The following KCNQ2 variants were observed in gnomAD, a reference collection of about 807,000 sequenced individuals.
KCNQ2 encodes the protein potassium voltage-gated channel subfamily KQT member 2.
A neutral mutation model predicts 84.8 loss-of-function variants in KCNQ2; 14 were observed. That is an observed-to-expected ratio of 0.17 (90% CI 0.11 to 0.26). The LOEUF (loss-of-function observed/expected upper bound fraction) is 0.26, where lower values mean the gene tolerates loss of function less well. KCNQ2 is among the 10% of genes least tolerant of loss of function. KCNQ2 has a pLI of 1.00. For synonymous variants in KCNQ2, 599 were observed against 554.1 expected (o/e 1.08, Z -1.14); for missense variants, 788 against 1,254.0 (o/e 0.63, Z 5.61).
intron 1 of KCNQ2, among the ~76,000 whole-genome samples, chr20:63,469,592 C>T (rs552396631): frequency 7.9e-5 from 12 of 152,364 alleles, no homozygotes; most frequent in African/African-American, 2.9e-4. Flanking sequence ...GTTCTCACAA[C>T]TTGACCTCTC....
At chr20:63,435,601 G>C (rs11699830) in intron 7 of KCNQ2, among the ~76,000 whole-genome samples, 2 of 152,044 alleles carry the variant, frequency 1.3e-5, no homozygotes, top group Non-Finnish European at 2.9e-5. Context: ...GAGAGTACAC[G>C]GCGGCAGGGC....
intron 5 of KCNQ2, among the ~76,000 whole-genome samples, chr20:63,440,954 C>T (rs1162773804): frequency 6.6e-6 from 1 of 150,398 alleles, no homozygotes; most frequent in Non-Finnish European, 1.5e-5. Flanking sequence ...CCAAAGGAGG[C>T]GTGGTTTTTT....
intron 11 of KCNQ2, among the ~76,000 whole-genome samples, chr20:63,421,728 T>G (rs1417595450): frequency 6.6e-6 from 1 of 151,952 alleles, no homozygotes; most frequent in African/African-American, 2.4e-5. Flanking sequence ...CAGCCGGTGT[T>G]GGGGGCTCCT....
chr20:63,438,210 G>C lies in KCNQ2; in HGVS notation c.1023+415C>G, dbSNP rs1568924682. ...CAAATGGTGGGACGGCACTGGGTGGGGTCCGGGCGGGCATCATGGGGGCCC... is the reference window on the plus strand; with the variant it reads ...CAAATGGTGGGACGGCACTGGGTGGCGTCCGGGCGGGCATCATGGGGGCCC... On this transcript the variant is annotated intron_variant, in intron 7 of 16. Coordinates refer to ENST00000359125, the MANE Select transcript of KCNQ2 (RefSeq NM_172107.4). This position sits in a 1 kb window ranked among gnomAD's most constrained non-coding sequence, Gnocchi z 5.1. 1 of 308,176 alleles carries C rather than the reference G, an allele frequency of 3.2e-6. No homozygotes were observed. The highest frequency in any genetic ancestry group is 6.3e-6 in the Non-Finnish European group (1 of 157,804). The allele number at this position is 308,176 out of a possible 1,614,324, so 19.1% of individuals were successfully genotyped here.
Position 63,402,901 on chromosome 20 carries a change from C to T in KCNQ2, c.*3743G>A, listed in dbSNP as rs1237571093. On this transcript the variant is annotated 3_prime_UTR_variant, in exon 17 of 17. Transcript: ENST00000359125. Reference sequence around the variant, plus strand: ...GGGAGGAGCCCTCCCCCAGCGTGTCCCAGCCGTGGTGGCAGCTGGAAGACT... The same window carrying T: ...GGGAGGAGCCCTCCCCCAGCGTGTCTCAGCCGTGGTGGCAGCTGGAAGACT... 1.3e-5 allele frequency: 2 copies of T among 152,280 alleles called. No individual in the cohort carries two copies. The highest frequency in any genetic ancestry group is 4.8e-5 in the African/African-American group (2 of 41,446). 9.4% of individuals were successfully genotyped at this position (152,280 alleles called of 1,614,324 possible).
chr20:63,450,962 A>G (rs1455038104), intron 1 of KCNQ2, among the ~76,000 whole-genome samples: 2 of 151,862 alleles, frequency 1.3e-5, no homozygotes, highest in African/African-American at 4.8e-5. Flanking sequence ...ATATGGTGAA[A>G]CTCTGTCTCT....
chr20:63,444,635 G>T (rs1229221856), intron 4 of KCNQ2, 24 bp downstream of exon 4: 1 of 1,514,270 alleles, frequency 6.6e-7, no homozygotes, highest in Admixed American at 2.1e-5. Context: ...GGCGCCCACC[G>T]CCAGCCTTGG....
At chr20:63,458,548 C>T (rs2081865385) in intron 1 of KCNQ2, among the ~76,000 whole-genome samples, 1 of 152,216 alleles carries the variant, frequency 6.6e-6, no homozygotes, top group Non-Finnish European at 1.5e-5. Flanking sequence ...GCCCGACCAT[C>T]CCTTCCCCGG....
Position 63,472,282 on chromosome 20 carries a change from C to A in KCNQ2, c.182G>T (p.Gly61Val). 6.5e-7 allele frequency: 1 copy of A among 1,538,104 alleles called. No homozygotes were observed. The highest frequency in any genetic ancestry group is 1.4e-5 in the African/African-American group (1 of 70,904). ...GSILSKPRAG[G>V]AGAGKPPKRN... ...CTTGGGGGGCTTCCCGGCGCCCGCG[C>A]CGCCCGCGCGAGGTTTGCTGAGGAT... Residue 61 changes from glycine (G) to valine (V), a missense_variant, in exon 1 of 17, where the codon GGC becomes GTC. Gly to Val is a moderately radical substitution (Grantham distance 109). Transcript: ENST00000359125.
rs568408012 is a variant in KCNQ2, at chr20:63,414,196, G to T, written c.1526-3C>A. ...GTCCTCTCCGGGGAGGCTTGCTTCT[G>T]GGGGGAAGGAGACAGGCCGTGAGGG... On this transcript the variant is annotated splice_polypyrimidine_tract_variant and splice_region_variant and intron_variant, in intron 13 of 16. Transcript: ENST00000359125. This position sits in a 1 kb window ranked among gnomAD's most constrained non-coding sequence, Gnocchi z 6.6. 1 of 1,610,642 alleles carries T rather than the reference G, an allele frequency of 6.2e-7. No individual in the cohort carries two copies. Among genetic ancestry groups the T allele is most frequent in the Non-Finnish European group, 8.5e-7 (1 of 1,177,440 alleles).
intron 15 of KCNQ2, among the ~76,000 whole-genome samples, chr20:63,412,895 CAT>C (rs1312975123): frequency 6.6e-6 from 1 of 152,216 alleles, no homozygotes; most frequent in African/African-American, 2.4e-5. Context: ...TGAGGCTGCA[CAT>C]GTGTGGGCAC....
intron 1 of KCNQ2, among the ~76,000 whole-genome samples, chr20:63,467,496 C>T (rs1334694156): frequency 1.3e-5 from 2 of 152,196 alleles, no homozygotes; most frequent in Non-Finnish European, 2.9e-5. Context: ...TCCTATGGGG[C>T]TGAGGCTAGC....
chr20:63,453,918 C>T (rs2081694001), intron 1 of KCNQ2, among the ~76,000 whole-genome samples: 1 of 152,090 alleles, frequency 6.6e-6, no homozygotes, highest in Non-Finnish European at 1.5e-5. Flanking sequence ...ATTCTGAGTC[C>T]TCAGTGCCGC....
At chr20:63,427,974 C>T (rs964683448) in intron 10 of KCNQ2, among the ~76,000 whole-genome samples, 2 of 152,342 alleles carry the variant, frequency 1.3e-5, no homozygotes, top group Non-Finnish European at 2.9e-5. Flanking sequence ...CTCTGACAGC[C>T]GTGGGCTTTG....
chr20:63,419,028 G>A (rs567358925), intron 12 of KCNQ2, among the ~76,000 whole-genome samples: 10 of 152,286 alleles, frequency 6.6e-5, no homozygotes, highest in African/African-American at 1.4e-4. Flanking sequence ...CAGGGGACGC[G>A]GGGACAGGGG....
chr20:63,426,568 C>T lies in KCNQ2; in HGVS notation c.1217+1799G>A, dbSNP rs185588304. Among the ~76,000 whole-genome samples the T allele has an allele frequency of 9.6e-4, 145 of 151,646 alleles. 1 individual carries two copies. Among genetic ancestry groups the T allele is most frequent in the African/African-American group, 3.3e-3 (138 of 41,300 alleles). ...GCTGCTCTGAATCTCCCTGTTTCCT[C>T]TCATACTTTACTATGAGCAGCAGAA... is the stretch of plus-strand genomic sequence containing the variant. On this transcript the variant is annotated intron_variant, in intron 10 of 16. Coordinates refer to ENST00000359125, the MANE Select transcript of KCNQ2 (RefSeq NM_172107.4).
At chr20:63,468,721 C>A (rs1404012456) in intron 1 of KCNQ2, among the ~76,000 whole-genome samples, 1 of 152,260 alleles carries the variant, frequency 6.6e-6, no homozygotes, top group Non-Finnish European at 1.5e-5. Context: ...CAGGATGGCA[C>A]AGCGAGCCCC....
At chr20:63,418,199 G>A (rs934954502) in intron 12 of KCNQ2, among the ~76,000 whole-genome samples, 9 of 152,322 alleles carry the variant, frequency 5.9e-5, no homozygotes, top group East Asian at 3.9e-4. Flanking sequence ...AAGAACAAGC[G>A]CACGCGAAAA....
At chr20:63,472,052 C>T (rs906887488) in intron 1 of KCNQ2, 116 bp downstream of exon 1, 80 of 706,898 alleles carry the variant, frequency 1.1e-4, no homozygotes, top group Non-Finnish European at 1.7e-4. Flanking sequence ...GGCCCCGGAC[C>T]CAGACCCAGG....
Sources: allele counts gnomAD v4.1 joint callset (sites outside exome capture counted in the v4.1 genomes callset), GRCh38; gene constraint gnomAD v4.1.1; non-coding constraint Gnocchi (gnomAD v3.1); transcripts MANE v1.5; gene names NCBI Gene and HGNC (gene_info 2026-07-23, HGNC 2026-07-21).